C6: variants seen among roughly 807,000 people sequenced by gnomAD.
C6 encodes the protein complement component C6.
C6 carries 101 observed loss-of-function variants against 112.9 expected under a neutral mutation model. The observed-to-expected ratio is 0.89, with a 90% CI of 0.76 to 1.06. The LOEUF (loss-of-function observed/expected upper bound fraction) is 1.06. Ranked by LOEUF, C6 falls within the 50% of genes least tolerant of loss-of-function variation. The pLI is 0.00. For synonymous variants in C6, 431 were observed against 384.1 expected (o/e 1.12, Z -1.43); for missense variants, 1,202 against 1,104.6 (o/e 1.09, Z -1.25).
At position 41,201,558 on chromosome 5, in the gene C6, C is replaced by T; in HGVS notation, c.300G>A (p.Gln100=). 1 of 1,613,534 alleles carries T rather than the reference C, an allele frequency of 6.2e-7. No individual in the cohort carries two copies. Among genetic ancestry groups the T allele is most frequent in the Admixed American group, 1.7e-5 (1 of 59,920 alleles). Reference sequence around the variant, plus strand: ...CCTGGAAATGCCCATGGTTGCCTACCTGTTTTTCAATACAAGGGTCACAGT... The same window carrying T: ...CCTGGAAATGCCCATGGTTGCCTACTTGTTTTTCAATACAAGGGTCACAGT... ...WSDCDPCIEK[Q]SKVRSVLRPS... is the part of the protein sequence containing the mutation. Residue 100 remains glutamine, a splice_region_variant and synonymous_variant, in exon 3 of 18, where the codon CAG becomes CAA. Coordinates refer to ENST00000337836, the MANE Select transcript of C6 (RefSeq NM_000065.5).
In C6 at chr5:41,142,187, C is replaced by T. The variant is rs1193176707; in HGVS notation, c.*638G>A. On this transcript the variant is annotated 3_prime_UTR_variant, in exon 18 of 18. Transcript: ENST00000337836. ...AGATGATAATTAAGGATGGGACTCA[C>T]CCTTCCGTGTTGTATTTTCTCCAAA... is the stretch of plus-strand genomic sequence containing the variant. The T allele has an allele frequency of 2.6e-5, 4 of 153,296 alleles. No individual in the cohort carries two copies. Among genetic ancestry groups the T allele is most frequent in the African/African-American group, 9.7e-5 (4 of 41,442 alleles). The allele number at this position is 153,296 out of a possible 1,614,324, so 9.5% of individuals were successfully genotyped here.
intron 1 of C6, among the ~76,000 whole-genome samples, chr5:41,249,237 A>T (rs532382270): frequency 1.3e-5 from 2 of 152,146 alleles, no homozygotes; most frequent in Non-Finnish European, 2.9e-5. Context: ...GATCAATGGT[A>T]CCCCTTACCC....
At chr5:41,201,774 T>C (rs2150366574) in intron 2 of C6, 60 bp from the exon 3 acceptor site, 1 of 1,398,630 alleles carries the variant, frequency 7.1e-7, no homozygotes, top group East Asian at 2.3e-5. Flanking sequence ...TCCTGCTCCA[T>C]AATCAAAGTA....
intron 7 of C6, among the ~76,000 whole-genome samples, chr5:41,178,775 C>T (rs1749080197): frequency 6.6e-6 from 1 of 151,556 alleles, no homozygotes; most frequent in South Asian, 2.1e-4. Context: ...CGCGCCCAGC[C>T]TCATTTCCTT....
chr5:41,209,353 GTT>G (rs556349890), intron 1 of C6, among the ~76,000 whole-genome samples: 197 of 152,286 alleles, frequency 1.3e-3, no homozygotes, highest in South Asian at 5.0e-3. Context: ...TCAACATAGT[GTT>G]GGAAGTTCTG....
Position 41,252,472 on chromosome 5 carries a change from G to T in C6, c.-21+8722C>A, listed in dbSNP as rs7701180. Among the ~76,000 whole-genome samples the T allele has an allele frequency of 5.7e-3, 861 of 152,296 alleles. 8 individuals carry two copies. The highest frequency in any genetic ancestry group is 0.02 in the African/African-American group (818 of 41,558). Reference sequence around the variant, plus strand: ...ATAAGACCTACAAGACAGACTCTTTGTAGCAGTGAGATACCCAACTCCAAC... The same window carrying T: ...ATAAGACCTACAAGACAGACTCTTTTTAGCAGTGAGATACCCAACTCCAAC... On this transcript the variant is annotated intron_variant, in intron 1 of 17. Coordinates refer to the C6 transcript ENST00000263413.
intron 1 of C6, among the ~76,000 whole-genome samples, chr5:41,232,821 T>G (rs1248651949): frequency 2.0e-5 from 3 of 152,016 alleles, no homozygotes; most frequent in African/African-American, 7.2e-5. Context: ...TTCTTTTTTC[T>G]CATATTGTGT....
chr5:41,199,213 T>TTA (rs1304178992), intron 4 of C6, among the ~76,000 whole-genome samples: 1 of 152,196 alleles, frequency 6.6e-6, no homozygotes, highest in Admixed American at 6.5e-5. Flanking sequence ...TACACAGAAA[T>TTA]GATAGAGATT....
At chr5:41,219,990 G>A (rs1227831542) in intron 1 of C6, among the ~76,000 whole-genome samples, 6 of 152,030 alleles carry the variant, frequency 3.9e-5, no homozygotes, top group Admixed American at 3.9e-4. Flanking sequence ...TGAAAGAACA[G>A]GAACAAATTG....
At chr5:41,198,234 A>T (rs1283878134) in intron 4 of C6, among the ~76,000 whole-genome samples, 2 of 152,152 alleles carry the variant, frequency 1.3e-5, no homozygotes, top group Non-Finnish European at 2.9e-5. Context: ...TCTTTTCAGG[A>T]GAGATAGTTC....
At position 41,155,043 on chromosome 5, in the gene C6, T is replaced by C. The variant is rs1365827998; in HGVS notation, c.2030A>G (p.Glu677Gly). ...DVEISCLTGF[E>G]TVGYQYFRCL... ...TCTGAAGTACTGGTATCCAACAGTT[T>C]CAAAGCCAGTAAGGCATGAAATTTC... The change falls in exon 14 of 18, where the codon GAA becomes GGA. Residue 677 changes from glutamate (E) to glycine (G), a missense_variant. Transcript: ENST00000337836. 6.2e-7 allele frequency: 1 copy of C among 1,613,558 alleles called. No individual in the cohort carries two copies. The highest frequency in any genetic ancestry group is 2.2e-5 in the East Asian group (1 of 44,878).
intron 1 of C6, among the ~76,000 whole-genome samples, chr5:41,254,590 T>A (rs1741567805): frequency 6.6e-6 from 1 of 152,204 alleles, no homozygotes; most frequent in Non-Finnish European, 1.5e-5. Context: ...AGAACCTTGA[T>A]AACTCCCTTT....
chr5:41,224,898 C>A (rs1193516293), intron 1 of C6, among the ~76,000 whole-genome samples: 2 of 152,108 alleles, frequency 1.3e-5, no homozygotes, highest in Non-Finnish European at 2.9e-5. Context: ...TTCTTTGCAT[C>A]CTTGCCAACA....
At chr5:41,236,726 C>T (rs1239701325) in intron 1 of C6, among the ~76,000 whole-genome samples, 12 of 140,098 alleles carry the variant, frequency 8.6e-5, no homozygotes, top group African/African-American at 3.3e-4. Context: ...TAACTAAAAT[C>T]AGAGCAGAAC....
intron 1 of C6, among the ~76,000 whole-genome samples, chr5:41,224,729 G>A (rs1314495167): frequency 6.6e-6 from 1 of 152,026 alleles, no homozygotes; most frequent in Non-Finnish European, 1.5e-5. Context: ...CATGTTTTGT[G>A]TGAATATATG....
upstream of C6, among the ~76,000 whole-genome samples, chr5:41,216,788 AC>A (rs1752209471): frequency 6.6e-6 from 1 of 151,704 alleles, no homozygotes; most frequent in African/African-American, 2.4e-5. Context: ...GAGCTTTAGA[AC>A]TCCTCCTGTA....
chr5:41,230,395 G>T (rs541964806), intron 1 of C6, among the ~76,000 whole-genome samples: 2 of 152,132 alleles, frequency 1.3e-5, no homozygotes, highest in Non-Finnish European at 2.9e-5. Context: ...TTGCATTCCT[G>T]GGGGGAGGTC....
intron 7 of C6, among the ~76,000 whole-genome samples, chr5:41,177,963 T>C (rs1309929180): frequency 6.6e-6 from 1 of 152,226 alleles, no homozygotes; most frequent in Non-Finnish European, 1.5e-5. Flanking sequence ...AGAAGCACAC[T>C]CACTCCCTGA....
intron 7 of C6, among the ~76,000 whole-genome samples, chr5:41,178,473 T>A (rs960864072): frequency 3.1e-5 from 2 of 65,450 alleles, no homozygotes; most frequent in African/African-American, 1.0e-4. Flanking sequence ...TTTCTTTTTT[T>A]TTTTTTTTTT....
Sources: gnomAD v4.1 joint callset for allele counts (sites outside exome capture counted in the v4.1 genomes callset) on GRCh38, gnomAD v4.1.1 for gene constraint, MANE v1.5 for transcripts, NCBI Gene and HGNC (gene_info 2026-07-23, HGNC 2026-07-21) for gene names.